The following HTT variants were observed in gnomAD, a reference collection of about 807,000 sequenced individuals.
HTT encodes the protein huntington disease protein.
HTT carries 104 observed loss-of-function variants against 362.3 expected under a neutral mutation model. That is an observed-to-expected ratio of 0.29 (90% confidence interval 0.24 to 0.34). The LOEUF is 0.34. Among genes scored for constraint, HTT ranks in the 10% least tolerant of loss-of-function variants. HTT has a pLI of 1.00. For missense variants in HTT, 3,301 were observed against 3,928.6 expected, an observed-to-expected ratio of 0.84 and a Z score of 4.27; for synonymous variants, 1,577 against 1,548.7, an observed-to-expected ratio of 1.02 and a Z score of -0.43.
At chr4:3,120,926 G>A (rs958641356) in intron 8 of HTT, among the ~76,000 whole-genome samples, 2 of 152,094 alleles carry the variant, frequency 1.3e-5, no homozygotes, top group Non-Finnish European at 2.9e-5. Flanking sequence ...GTGTATGCTG[G>A]GCTTTATTTT....
chr4:3,138,527 G>A (rs1281607799), intron 21 of HTT, among the ~76,000 whole-genome samples: 3 of 152,128 alleles, frequency 2.0e-5, no homozygotes, highest in East Asian at 3.8e-4. Flanking sequence ...GAATGTGATT[G>A]TGCCTGATTC....
At chr4:3,118,040 A>G (rs189763988) in intron 8 of HTT, among the ~76,000 whole-genome samples, 6 of 152,138 alleles carry the variant, frequency 3.9e-5, no homozygotes, top group Admixed American at 3.9e-4. Context: ...TTTTTCCCTT[A>G]GAGTTCATTT....
In HTT at chr4:3,122,898, G is replaced by A. The variant is rs770664572; in HGVS notation, c.1283G>A (p.Gly428Asp). Reference protein sequence around the residue: ...GSIVELIAGGGSSCSPVLSRK... With the variant: ...GSIVELIAGGDSSCSPVLSRK... ...TTTCTGTGATTTGCAGCTGGAGGGG[G>A]TTCCTCATGCAGCCCTGTCCTTTCA... The change falls in exon 10 of 67, where the codon GGT becomes GAT. Residue 428 changes from glycine to aspartate, a missense_variant. Coordinates refer to ENST00000355072, the MANE Select transcript of HTT (RefSeq NM_001388492.1). 6.2e-7 allele frequency: 1 copy of A among 1,609,592 alleles called. No individual in the cohort carries two copies.
chr4:3,084,327 C>T (rs959830476), intron 1 of HTT, among the ~76,000 whole-genome samples: 4 of 151,340 alleles, frequency 2.6e-5, no homozygotes, highest in African/African-American at 9.7e-5. Flanking sequence ...GTCTCAGTCT[C>T]CCATGTTCAG....
chr4:3,213,049 C>G (rs1296705620), intron 49 of HTT: 4 of 268,256 alleles, frequency 1.5e-5, no homozygotes, highest in Non-Finnish European at 2.2e-5. Flanking sequence ...GGAATACTTA[C>G]TTGGTTTGTG....
intron 23 of HTT, 25 bp from the exon 24 acceptor site, chr4:3,145,127 G>A: frequency 6.4e-7 from 1 of 1,560,436 alleles, no homozygotes; most frequent in Non-Finnish European, 8.8e-7. Context: ...GTTTGGGTGT[G>A]ATTTTATTGT....
rs779808322 is a variant in HTT, at chr4:3,207,287, A to G, written c.6082A>G (p.Met2028Val). 4 of 1,613,776 alleles carry G rather than the reference A, an allele frequency of 2.5e-6. No homozygotes were observed. The highest frequency in any genetic ancestry group is 2.7e-5 in the African/African-American group (2 of 74,934). Residue 2028 changes from methionine (M) to valine (V), a missense_variant, in exon 45 of 67, where the codon ATG becomes GTG. Around this residue, in one of 4 missense-constraint regions of HTT, gnomAD observed 2,316 missense variants for 2,658.5 expected, o/e 0.87. Coordinates refer to ENST00000355072, the MANE Select transcript of HTT (RefSeq NM_001388492.1). ...MLLAANLQSS[M>V]AQLPMEELNR... ...ATGTGTTTTTGTCTATTAGAGCAGCATGGCCCAGTTGCCAATGGAAGAACT... is the reference window on the plus strand; with the variant it reads ...ATGTGTTTTTGTCTATTAGAGCAGCGTGGCCCAGTTGCCAATGGAAGAACT...
chr4:3,197,336 A>T (rs1419323983), intron 40 of HTT, among the ~76,000 whole-genome samples: 2 of 151,938 alleles, frequency 1.3e-5, no homozygotes, highest in Non-Finnish European at 2.9e-5. Context: ...AGTACCTCAG[A>T]CTTGCACTTA....
rs555082800 is a variant in HTT, at chr4:3,122,538, C to T, written c.1274-351C>T. 2.6e-5 allele frequency among the ~76,000 whole-genome samples: 4 copies of T among 152,280 alleles called. No individual in the cohort carries two copies. In the East Asian group the frequency reaches 7.7e-4, roughly 29 times the overall value. ...GAAGAATTTTTTTCTGTATGGAATG[C>T]GTGCCTTACAAATAATGAGTGGAAA... On this transcript the variant is annotated intron_variant, in intron 9 of 66. Transcript: ENST00000355072.
At position 3,086,971 on chromosome 4, in the gene HTT, G is replaced by T; in HGVS notation, c.296G>T (p.Arg99Leu). 6.2e-7 allele frequency: 1 copy of T among 1,607,594 alleles called. No individual in the cohort carries two copies. Among genetic ancestry groups the T allele is most frequent in the Non-Finnish European group, 8.5e-7 (1 of 1,174,430 alleles). The change falls in exon 2 of 67, where the codon CGT (arginine) becomes CTT (leucine). Residue 99 changes from arginine to leucine, a missense_variant. Physicochemically the swap from Arg to Leu is moderately radical, Grantham distance 102 (BLOSUM62 -2). Transcript: ENST00000355072. ...GAACTTTCAGCTACCAAGAAAGACC[G>T]TGTGAATCATTGTCTGACAATATGT... ...KKELSATKKD[R>L]VNHCLTICEN...
rs1718178705 is a variant in HTT at position 3,175,092 on chromosome 4, T to A, written c.4392T>A (p.Leu1464=). The change falls in exon 33 of 67, where the codon CTT becomes CTA. Residue 1464 remains leucine, a synonymous_variant. Transcript: ENST00000355072. ...TTCAGTTACGGGTTAATTACTGTCTTCTGGATTCAGATCAGGTTTGTCACT... is the reference window on the plus strand; with the variant it reads ...TTCAGTTACGGGTTAATTACTGTCTACTGGATTCAGATCAGGTTTGTCACT... ...QLVQLRVNYC[L]LDSDQVFIGF... The A allele has an allele frequency of 6.2e-7, 1 of 1,612,550 alleles. No homozygotes were observed. The highest frequency in any genetic ancestry group is 8.5e-7 in the Non-Finnish European group (1 of 1,179,556).
At position 3,199,863 on chromosome 4, in the gene HTT, C is replaced by T. The variant is rs542532871; in HGVS notation, c.5500C>T (p.Leu1834=). Residue 1834 remains leucine (L), a synonymous_variant, in exon 41 of 67, where the codon CTG becomes TTG. Transcript: ENST00000355072. ...SMITTHPALV[L]LWCQILLLVN... The stretch of plus-strand genomic sequence containing the variant: ...GATCACCACCCACCCGGCCCTGGTG[C>T]TGCTCTGGTGTCAGATACTGCTGCT... 703 of 1,614,186 alleles carry T rather than the reference C, an allele frequency of 4.4e-4. 13 individuals carry two copies. The South Asian group carries it at 6.6e-3, about 15-fold the overall frequency.
At chr4:3,178,071 G>A (rs747970304) in intron 34 of HTT, among the ~76,000 whole-genome samples, 3 of 152,162 alleles carry the variant, frequency 2.0e-5, no homozygotes, top group Non-Finnish European at 2.9e-5. Context: ...CTGTGCCGTC[G>A]GGTGCCTTCT....
chr4:3,220,354 C>T (rs1458962990), intron 53 of HTT, 46 bp downstream of exon 53: 1 of 1,590,018 alleles, frequency 6.3e-7, no homozygotes. Context: ...CGGACATCTA[C>T]CGGGAGGAAA....
chr4:3,172,031 C>A (rs1018996558), intron 29 of HTT, among the ~76,000 whole-genome samples: 1 of 152,172 alleles, frequency 6.6e-6, no homozygotes, highest in Admixed American at 6.5e-5. Context: ...GCCCTGCGAA[C>A]AGGACTGGAT....
At chr4:3,084,395 A>G (rs1395746387) in intron 1 of HTT, among the ~76,000 whole-genome samples, 1 of 151,974 alleles carries the variant, frequency 6.6e-6, no homozygotes, top group Non-Finnish European at 1.5e-5. Context: ...TGACATTAAA[A>G]CATCAAGATC....
rs182630510 is a variant in HTT, at chr4:3,235,179, G to A, written c.8457-105G>A. The A allele has an allele frequency of 5.3e-4, 438 of 825,772 alleles. 5 individuals carry two copies. The East Asian group carries it at 9.8e-3, about 18-fold the overall frequency. 51.2% of individuals were successfully genotyped at this position (825,772 alleles called of 1,614,324 possible). On this transcript the variant is annotated intron_variant, in intron 61 of 66. Coordinates refer to ENST00000355072, the MANE Select transcript of HTT (RefSeq NM_001388492.1). ...TCAGGGTAGGCGCTCCCGGGAGCCC[G>A]CCTGGCCCATAGCTCTACACTCCCG...
intron 46 of HTT, among the ~76,000 whole-genome samples, chr4:3,209,113 G>A (rs1397906441): frequency 6.6e-6 from 1 of 152,224 alleles, no homozygotes. Context: ...GACCCTTTTG[G>A]TAGGAGTGTG....
chr4:3,079,502 G>T (rs1472875608), intron 1 of HTT, among the ~76,000 whole-genome samples: 1 of 152,096 alleles, frequency 6.6e-6, no homozygotes, highest in Non-Finnish European at 1.5e-5. Flanking sequence ...ATTCCAGATG[G>T]GGGGAACAGG....
Sources: gnomAD v4.1 joint callset for allele counts (sites outside exome capture counted in the v4.1 genomes callset) on GRCh38, gnomAD v4.1.1 for gene constraint, gnomAD v4.1.1 regional missense constraint, MANE v1.5 for transcripts, NCBI Gene and HGNC (gene_info 2026-07-23, HGNC 2026-07-21) for gene names.